COL5A1: variants seen among roughly 807,000 people sequenced by gnomAD.
COL5A1 encodes the protein collagen alpha-1(V) chain.
COL5A1 carries 16 observed loss-of-function variants against 263.7 expected under a neutral mutation model. The ratio of observed to expected loss-of-function variants is 0.06; its 90% CI spans 0.04 to 0.09. The LOEUF (loss-of-function observed/expected upper bound fraction) is 0.09, where lower values mean the gene tolerates loss of function less well. Ranked by LOEUF, COL5A1 falls within the 10% of genes least tolerant of loss-of-function variation. The probability of loss-of-function intolerance (pLI) is 1.00; values close to 1 mark genes in which losing one functional copy is unlikely to be tolerated. For missense variants in COL5A1, 2,036 were observed against 2,540.5 expected, an observed-to-expected ratio of 0.80 and a Z score of 4.27; for synonymous variants, 1,012 against 1,004.5, an observed-to-expected ratio of 1.01 and a Z score of -0.14.
chr9:134,761,794 C>T (rs962059800), intron 18 of COL5A1, 131 bp from the exon 19 acceptor site: 3 of 930,092 alleles, frequency 3.2e-6, no homozygotes, highest in Admixed American at 1.7e-5. Flanking sequence ...GGAAAATTCC[C>T]CCATTCTGGA....
chr9:134,783,598 C>A (rs150202950), intron 29 of COL5A1, among the ~76,000 whole-genome samples: 2 of 152,170 alleles, frequency 1.3e-5, no homozygotes, highest in African/African-American at 4.8e-5. Flanking sequence ...GGACATCTGT[C>A]GGCTGCAGCA....
Position 134,810,327 on chromosome 9 carries a change from G to GA in COL5A1, c.3528+19_3528+20insA. ...AGAACAGGTAAGTATTGGCACGGGGGCGCGCGGCAGCCCCCAGGTCCCGGG... is the reference window on the plus strand; with the variant it reads ...AGAACAGGTAAGTATTGGCACGGGGGACGCGCGGCAGCCCCCAGGTCCCGGG... On this transcript the variant is annotated intron_variant, in intron 44 of 65. Transcript: ENST00000371817. 1 of 1,612,440 alleles carries GA rather than the reference G, an allele frequency of 6.2e-7. No homozygotes were observed. The highest frequency in any genetic ancestry group is 1.1e-5 in the South Asian group (1 of 91,056).
chr9:134,739,981 G>A (rs1231176882), intron 11 of COL5A1, among the ~76,000 whole-genome samples: 1 of 152,180 alleles, frequency 6.6e-6, no homozygotes, highest in Admixed American at 6.5e-5. Flanking sequence ...ACCTCTGAGG[G>A]CAGTACGCAT....
rs149052116 is a variant in COL5A1 at position 134,687,497 on chromosome 9, T to C, written c.110-3415T>C. Among the ~76,000 whole-genome samples, 415 of 152,096 alleles carry C rather than the reference T, an allele frequency of 2.7e-3. 2 individuals are homozygous for C. The highest frequency in any genetic ancestry group is 9.6e-3 in the African/African-American group (397 of 41,494). On this transcript the variant is annotated intron_variant, in intron 1 of 65. Coordinates refer to ENST00000371817, the MANE Select transcript of COL5A1 (RefSeq NM_000093.5). ...ATTCATCCATCCATCCATCCATCCATCCACCATGTGATGGACTGACCCCAT... is the reference window on the plus strand; with the variant it reads ...ATTCATCCATCCATCCATCCATCCACCCACCATGTGATGGACTGACCCCAT...
rs199557977 is a variant in COL5A1 at position 134,805,143 on chromosome 9, C to G, written c.3205-18C>G. The G allele has an allele frequency of 1.1e-4, 172 of 1,613,914 alleles. No individual in the cohort carries two copies. The highest frequency in any genetic ancestry group is 1.4e-4 in the Non-Finnish European group (164 of 1,180,020). ...CTCTCCCCACGTGCCCTTGACCAAC[C>G]TTTTCATGGCTTTGCAGGGAGCTCT... On this transcript the variant is annotated intron_variant, in intron 40 of 65. Transcript: ENST00000371817.
chr9:134,681,388 G>A lies in COL5A1; in HGVS notation c.110-9524G>A, dbSNP rs996923088. Among the ~76,000 whole-genome samples, 2 of 152,256 alleles carry A rather than the reference G, an allele frequency of 1.3e-5. No individual in the cohort carries two copies. The highest frequency in any genetic ancestry group is 4.8e-5 in the African/African-American group (2 of 41,480). ...TTCTGCGAGCATCTGCGGGTGCCGG[G>A]CTGTGCGGGGCCCCTGCCCTCCTGC... On this transcript the variant is annotated intron_variant, in intron 1 of 65. Coordinates refer to ENST00000371817, the MANE Select transcript of COL5A1 (RefSeq NM_000093.5). This position sits in a 1 kb window ranked among gnomAD's most constrained non-coding sequence, Gnocchi z 4.3.
At chr9:134,708,099 G>T (rs1588456942) in intron 4 of COL5A1, among the ~76,000 whole-genome samples, 1 of 152,340 alleles carries the variant, frequency 6.6e-6, no homozygotes, top group South Asian at 2.1e-4. Flanking sequence ...GGTGTCCGGG[G>T]AGGGAGGGCT....
intron 63 of COL5A1, among the ~76,000 whole-genome samples, chr9:134,828,451 C>T (rs1440566592): frequency 6.8e-6 from 1 of 147,078 alleles, no homozygotes; most frequent in African/African-American, 2.6e-5. Context: ...CACACACACA[C>T]ACACGCAGAT....
At position 134,657,773 on chromosome 9, in the gene COL5A1, G is replaced by C. The variant is rs1273916572; in HGVS notation, c.109+15477G>C. On this transcript the variant is annotated intron_variant, in intron 1 of 65. Coordinates refer to ENST00000371817, the MANE Select transcript of COL5A1 (RefSeq NM_000093.5). ...GGCCTGACGGGGAAGGGCAGGGGGT[G>C]GGACAGGACCTGCCTGGACTCCTGG... is the stretch of plus-strand genomic sequence containing the variant. Among the ~76,000 whole-genome samples, 3 of 151,816 alleles carry C rather than the reference G, an allele frequency of 2.0e-5. No homozygotes were observed. The East Asian group carries it at 5.8e-4, about 29-fold the overall frequency.
intron 50 of COL5A1, 47 bp from the exon 51 acceptor site, chr9:134,815,525 CTCAG>C (rs1838709642): frequency 6.3e-7 from 1 of 1,583,256 alleles, no homozygotes; most frequent in African/African-American, 1.3e-5. Context: ...CGTGTGTGGT[CTCAG>C]TCAGGTTGCT....
At chr9:134,775,409 G>A (rs1010413389) in intron 27 of COL5A1, among the ~76,000 whole-genome samples, 2 of 152,328 alleles carry the variant, frequency 1.3e-5, no homozygotes, top group South Asian at 2.1e-4. Flanking sequence ...CAGCGCTGTC[G>A]CAAGGCGGAG....
chr9:134,661,397 G>A (rs934862501), intron 1 of COL5A1, among the ~76,000 whole-genome samples: 6 of 151,708 alleles, frequency 4.0e-5, no homozygotes, highest in African/African-American at 1.5e-4. Context: ...CAGGGCGTGT[G>A]TGTGAGGTAC....
intron 4 of COL5A1, among the ~76,000 whole-genome samples, chr9:134,714,772 G>A (rs1225597353): frequency 4.1e-5 from 6 of 148,084 alleles, no homozygotes; most frequent in African/African-American, 2.5e-5. Context: ...TGTGATGCTG[G>A]TGAAGGTGGT....
At chr9:134,828,192 C>G (rs1003022081) in intron 63 of COL5A1, among the ~76,000 whole-genome samples, 1 of 152,160 alleles carries the variant, frequency 6.6e-6, no homozygotes, top group East Asian at 1.9e-4. Flanking sequence ...TGCAGGTCTC[C>G]CCTCAGAGGA....
At chr9:134,675,695 A>T (rs1019454215) in intron 1 of COL5A1, among the ~76,000 whole-genome samples, 1 of 151,844 alleles carries the variant, frequency 6.6e-6, no homozygotes, top group South Asian at 2.1e-4. Context: ...GGGCTGGGGG[A>T]TCCATTTCTA....
At chr9:134,825,941 A>G in intron 63 of COL5A1, 37 bp downstream of exon 63, 1 of 1,401,958 alleles carries the variant, frequency 7.1e-7, no homozygotes, top group Non-Finnish European at 1.0e-6. Context: ...CCAGCGGGGC[A>G]GGCGTCACAG....
At position 134,700,840 on chromosome 9, in the gene COL5A1, G is replaced by A. The variant is rs115146061; in HGVS notation, c.492-331G>A. ...GCTGTGACCGCACCGCAGGGACCAC[G>A]CTCCCAGGGACCACACTCCTGGGTC... On this transcript the variant is annotated intron_variant, in intron 3 of 65. Coordinates refer to ENST00000371817, the MANE Select transcript of COL5A1 (RefSeq NM_000093.5). This position sits in a 1 kb window ranked among gnomAD's most constrained non-coding sequence, Gnocchi z 4.0. 0.017 allele frequency among the ~76,000 whole-genome samples: 2,621 copies of A among 152,008 alleles called. 73 individuals carry two copies. The highest frequency in any genetic ancestry group is 0.06 in the African/African-American group (2,487 of 41,444).
At position 134,754,559 on chromosome 9, in the gene COL5A1, C is replaced by A. The variant is rs549512797; in HGVS notation, c.1827+233C>A. 2.6e-5 allele frequency among the ~76,000 whole-genome samples: 4 copies of A among 152,254 alleles called. No homozygotes were observed. Among genetic ancestry groups the A allele is most frequent in the Non-Finnish European group, 5.9e-5 (4 of 68,042 alleles). ...ACCAGGCCTCTTCCCTGGGCACATT[C>A]ATTTAGTTTAATAAACCTTTCTAAT... On this transcript the variant is annotated intron_variant, in intron 16 of 65. Coordinates refer to ENST00000371817, the MANE Select transcript of COL5A1 (RefSeq NM_000093.5). This position sits in a 1 kb window ranked among gnomAD's most constrained non-coding sequence, Gnocchi z 4.3.
Position 134,805,252 on chromosome 9 carries a change from CCTA to C in COL5A1, c.3258+41_3258+43del, listed in dbSNP as rs780919909. On this transcript the variant is annotated intron_variant, in intron 41 of 65. Transcript: ENST00000371817. ...CTTTGTCCCATCCTCTTTCTTGAATCCTACTCTCCAGGTCAGAAGGGGCAGTCC... is the reference window on the plus strand; with the variant it reads ...CTTTGTCCCATCCTCTTTCTTGAATCCTCTCCAGGTCAGAAGGGGCAGTCC... 3.4e-5 allele frequency: 55 copies of C among 1,611,000 alleles called. No homozygotes were observed. In the African/African-American group the frequency reaches 6.5e-4, roughly 19 times the overall value.
Sources: gnomAD v4.1 joint callset for allele counts (sites outside exome capture counted in the v4.1 genomes callset) on GRCh38, gnomAD v4.1.1 for gene constraint, Gnocchi (gnomAD v3.1) non-coding constraint, MANE v1.5 for transcripts, NCBI Gene and HGNC (gene_info 2026-07-23, HGNC 2026-07-21) for gene names.